TRPS1: variants seen among roughly 807,000 people sequenced by gnomAD.
TRPS1 encodes the protein zinc finger transcription factor Trps1.
A neutral mutation model predicts 101.2 loss-of-function variants in TRPS1; 6 were observed. The ratio of observed to expected loss-of-function variants is 0.06; its 90% CI spans 0.03 to 0.12. The LOEUF (loss-of-function observed/expected upper bound fraction) is 0.12. Ranked by LOEUF, TRPS1 falls within the 10% of genes least tolerant of loss-of-function variation. The pLI is 1.00. For synonymous variants in TRPS1, 578 were observed against 589.8 expected, an observed-to-expected ratio of 0.98 and a Z score of 0.29; for missense variants, 1,363 against 1,567.0, an observed-to-expected ratio of 0.87 and a Z score of 2.20.
chr8:115,608,906 C>G (rs965475769), intron 3 of TRPS1, among the ~76,000 whole-genome samples: 1 of 147,262 alleles, frequency 6.8e-6, no homozygotes, highest in African/African-American at 2.7e-5. Flanking sequence ...AGTGCAATGT[C>G]ACGATCTCCG....
intron 5 of TRPS1, among the ~76,000 whole-genome samples, chr8:115,549,515 A>G (rs1586391425): frequency 6.6e-6 from 1 of 152,146 alleles, no homozygotes; most frequent in African/African-American, 2.4e-5. Context: ...AATATCAAAG[A>G]TGGACGATTA....
At chr8:115,480,853 A>G (rs1440859775) in intron 5 of TRPS1, among the ~76,000 whole-genome samples, 1 of 152,160 alleles carries the variant, frequency 6.6e-6, no homozygotes, top group Non-Finnish European at 1.5e-5. Flanking sequence ...TTTTCATGCT[A>G]ATGATTTGAT....
At chr8:115,658,477 A>G (rs552270509) in intron 1 of TRPS1, among the ~76,000 whole-genome samples, 2 of 152,246 alleles carry the variant, frequency 1.3e-5, no homozygotes, top group Non-Finnish European at 2.9e-5. Context: ...CCTTCTGTTC[A>G]GATATATATA....
intron 5 of TRPS1, among the ~76,000 whole-genome samples, chr8:115,504,751 A>G (rs572054310): frequency 6.6e-6 from 1 of 152,312 alleles, no homozygotes; most frequent in African/African-American, 2.4e-5. Flanking sequence ...GAAATCCACA[A>G]AAGATTGTTG....
At chr8:115,503,644 A>C (rs777680545) in intron 5 of TRPS1, among the ~76,000 whole-genome samples, 59 of 152,346 alleles carry the variant, frequency 3.9e-4, no homozygotes, top group South Asian at 1.7e-3. Context: ...TGACTTTGGA[A>C]AAATTATAAT....
At chr8:115,502,497 G>A (rs1815343017) in intron 5 of TRPS1, among the ~76,000 whole-genome samples, 1 of 152,162 alleles carries the variant, frequency 6.6e-6, no homozygotes. Flanking sequence ...TAAGACTGTA[G>A]GTTTCAAAAC....
rs759303878 is a variant in TRPS1, at chr8:115,668,814, T to TAA, written c.-393_-392dup. The TAA allele has an allele frequency of 0.071, 9,512 of 133,210 alleles. 1,026 individuals carry two copies. Among genetic ancestry groups the TAA allele is most frequent in the African/African-American group, 0.23 (8,467 of 36,298 alleles). 8.3% of individuals were successfully genotyped at this position (133,210 alleles called of 1,614,324 possible). ...AGGGGAGGGGGTGTTGTTTTTTGTT[T>TAA]AAAAAAAAAAAAAAGAAATAGGAAG... is the stretch of plus-strand genomic sequence containing the variant. On this transcript the variant is annotated 5_prime_UTR_variant, in exon 1 of 7. Coordinates refer to ENST00000395715, the MANE Select transcript of TRPS1 (RefSeq NM_014112.5).
chr8:115,523,843 T>C (rs1217984642), intron 5 of TRPS1, among the ~76,000 whole-genome samples: 3 of 152,154 alleles, frequency 2.0e-5, no homozygotes, highest in African/African-American at 7.2e-5. Flanking sequence ...ATGAAGTGAA[T>C]TGTAAAAAAT....
At chr8:115,430,877 G>A (rs1303501289) in intron 5 of TRPS1, among the ~76,000 whole-genome samples, 1 of 151,780 alleles carries the variant, frequency 6.6e-6, no homozygotes, top group Non-Finnish European at 1.5e-5. Flanking sequence ...GAAATTCCAT[G>A]AGTTTCTTAC....
At chr8:115,443,472 C>T (rs914285840) in intron 5 of TRPS1, among the ~76,000 whole-genome samples, 2 of 152,182 alleles carry the variant, frequency 1.3e-5, no homozygotes, top group African/African-American at 4.8e-5. Flanking sequence ...GCTCGGTTCT[C>T]ATCAGCATTA....
intron 3 of TRPS1, among the ~76,000 whole-genome samples, chr8:115,609,952 T>TCCCAA (rs1464991543): frequency 2.0e-5 from 3 of 152,200 alleles, no homozygotes; most frequent in African/African-American, 7.2e-5. Context: ...CTTTCTTTCC[T>TCCCAA]CCCAATAATA....
intron 4 of TRPS1, among the ~76,000 whole-genome samples, chr8:115,596,729 A>C (rs942644185): frequency 4.0e-5 from 6 of 151,468 alleles, no homozygotes; most frequent in African/African-American, 1.2e-4. Context: ...GTATGTATAC[A>C]TACATCTATG....
At chr8:115,481,699 A>C (rs1406793838) in intron 5 of TRPS1, among the ~76,000 whole-genome samples, 1 of 152,210 alleles carries the variant, frequency 6.6e-6, no homozygotes, top group Non-Finnish European at 1.5e-5. Context: ...TATGTTTAGA[A>C]CTGCTTTCAG....
intron 5 of TRPS1, among the ~76,000 whole-genome samples, chr8:115,513,923 A>C (rs549596976): frequency 1.3e-5 from 2 of 151,808 alleles, no homozygotes; most frequent in South Asian, 4.1e-4. Context: ...TTATAGCTAG[A>C]GAGTCAGATT....
At chr8:115,534,907 T>G (rs1237406780) in intron 5 of TRPS1, among the ~76,000 whole-genome samples, 2 of 151,832 alleles carry the variant, frequency 1.3e-5, no homozygotes, top group East Asian at 1.9e-4. Flanking sequence ...CTCTACTGCC[T>G]TCTATAAAAT....
In TRPS1 at chr8:115,414,964, C is replaced by G; in HGVS notation, c.2944G>C (p.Gly982Arg). ...QAEQLNKQQR[G>R]SNEEQVNGSP... The stretch of plus-strand genomic sequence containing the variant: ...CCATTGACTTGCTCCTCATTGCTGC[C>G]CCTCTGCTGTTTGTTGAGCTGCTCA... Residue 982 changes from glycine (G) to arginine (R), a missense_variant, in exon 7 of 7, where the codon GGC (glycine) becomes CGC (arginine). By Grantham distance (125) the Gly-to-Arg change is moderately radical. Around this residue, in one of 5 missense-constraint regions of TRPS1, gnomAD observed 307 missense variants for 392.4 expected, o/e 0.78. Transcript: ENST00000395715. This position sits in a 1 kb window ranked among gnomAD's most constrained non-coding sequence, Gnocchi z 4.8. 6.3e-7 allele frequency: 1 copy of G among 1,585,316 alleles called. No homozygotes were observed. The highest frequency in any genetic ancestry group is 1.8e-5 in the Admixed American group (1 of 55,744).
intron 3 of TRPS1, among the ~76,000 whole-genome samples, chr8:115,613,989 A>G (rs1345323045): frequency 1.6e-4 from 25 of 151,968 alleles, no homozygotes; most frequent in Admixed American, 1.6e-3. Context: ...CCTGATGAAG[A>G]ATTCAAGACA....
At chr8:115,588,618 G>C (rs563619663) in intron 4 of TRPS1, among the ~76,000 whole-genome samples, 1 of 152,164 alleles carries the variant, frequency 6.6e-6, no homozygotes, top group African/African-American at 2.4e-5. Flanking sequence ...ATACCCGAAA[G>C]ATACACAAGT....
intron 5 of TRPS1, among the ~76,000 whole-genome samples, chr8:115,501,855 C>T (rs1451787160): frequency 6.6e-6 from 1 of 152,132 alleles, no homozygotes; most frequent in African/African-American, 2.4e-5. Flanking sequence ...TTATTAAGGT[C>T]TTCAATTGAT....
Sources: gnomAD v4.1 joint callset for allele counts (sites outside exome capture counted in the v4.1 genomes callset) on GRCh38, gnomAD v4.1.1 for gene constraint, gnomAD v4.1.1 regional missense constraint, Gnocchi (gnomAD v3.1) non-coding constraint, MANE v1.5 for transcripts, NCBI Gene and HGNC (gene_info 2026-07-23, HGNC 2026-07-21) for gene names.